The following HMCN2 variants were observed in gnomAD, a reference collection of about 807,000 sequenced individuals.
HMCN2 encodes the protein hemicentin 2.
HMCN2 carries 325 observed loss-of-function variants against 377.5 expected under a neutral mutation model. That is an observed-to-expected ratio of 0.86 (90% CI 0.79 to 0.94). The LOEUF is 0.94. Ranked by LOEUF, HMCN2 falls within the 40% of genes least tolerant of loss-of-function variation. HMCN2 has a pLI of 0.00. For missense variants in HMCN2, 4,543 were observed against 4,725.3 expected (o/e 0.96, Z 1.13); for synonymous variants, 2,007 against 2,046.8 (o/e 0.98, Z 0.53).
chr9:130,345,597 G>A (rs1212526499), intron 25 of HMCN2, among the ~76,000 whole-genome samples: 4 of 150,210 alleles, frequency 2.7e-5, no homozygotes, highest in East Asian at 2.0e-4. Flanking sequence ...ATGGTGTTTC[G>A]TGTGTGTAGT....
At chr9:130,377,925 C>T in intron 53 of HMCN2, 126 bp downstream of exon 53, 1 of 710,526 alleles carries the variant, frequency 1.4e-6, no homozygotes, top group Non-Finnish European at 1.7e-6. Flanking sequence ...CTCCCACTGG[C>T]TCATCTCAGC....
At position 130,359,314 on chromosome 9, in the gene HMCN2, C is replaced by A; in HGVS notation, c.5678-5C>A. ...CAAGCTGGGTCTCTCCTTGTCTCCC[C>A]CTAGTGCCCCCCAACATCGAGCCAG... is the stretch of plus-strand genomic sequence containing the variant. On this transcript the variant is annotated splice_polypyrimidine_tract_variant and splice_region_variant and intron_variant, in intron 36 of 97. Transcript: ENST00000683500. 3.1e-6 allele frequency: 4 copies of A among 1,300,772 alleles called. No individual in the cohort carries two copies. The highest frequency in any genetic ancestry group is 4.1e-6 in the Non-Finnish European group (4 of 986,010). The allele number at this position is 1,300,772 out of a possible 1,614,324, so 80.6% of individuals were successfully genotyped here. A position where few individuals can be genotyped will look rare whatever the true frequency, so the allele number is the denominator to read the frequency against.
In HMCN2 at chr9:130,361,578, A is replaced by G. The variant is rs1181025690; in HGVS notation, c.5951-430A>G. On this transcript the variant is annotated intron_variant, in intron 38 of 97. Coordinates refer to ENST00000683500, the MANE Select transcript of HMCN2 (RefSeq NM_001291815.2). This position sits in a 1 kb window ranked among gnomAD's most constrained non-coding sequence, Gnocchi z 4.8. ...GGGCATCATGGCTGGTGCCTCCCAGATACAATGGAATCTTCTGGCTATTTT... is the reference window on the plus strand; with the variant it reads ...GGGCATCATGGCTGGTGCCTCCCAGGTACAATGGAATCTTCTGGCTATTTT... Among the ~76,000 whole-genome samples, 2 of 152,200 alleles carry G rather than the reference A, an allele frequency of 1.3e-5. No individual in the cohort carries two copies. The highest frequency in any genetic ancestry group is 4.8e-5 in the African/African-American group (2 of 41,436).
intron 19 of HMCN2, among the ~76,000 whole-genome samples, chr9:130,323,635 G>A (rs1837967983): frequency 2.0e-5 from 3 of 152,040 alleles, no homozygotes; most frequent in Admixed American, 1.3e-4. Flanking sequence ...AAAAACTGAC[G>A]ATGGCAGGCA....
At chr9:130,297,615 C>T (rs1201807155) in intron 7 of HMCN2, among the ~76,000 whole-genome samples, 1 of 152,214 alleles carries the variant, frequency 6.6e-6, no homozygotes, top group Non-Finnish European at 1.5e-5. Flanking sequence ...GGACCCTGAA[C>T]AGTGACCAAA....
At position 130,383,303 on chromosome 9, in the gene HMCN2, G is replaced by A. The variant is rs148071724; in HGVS notation, c.8734-201G>A. Reference sequence around the variant, plus strand: ...CTTGTCACATCTGGTTTGCTACAGAGAACCACCCAACACCAACCTCACACG... The same window carrying A: ...CTTGTCACATCTGGTTTGCTACAGAAAACCACCCAACACCAACCTCACACG... On this transcript the variant is annotated intron_variant, in intron 56 of 97. Transcript: ENST00000683500. Among the ~76,000 whole-genome samples, 456 of 152,112 alleles carry A rather than the reference G, an allele frequency of 3.0e-3. 2 individuals are homozygous for A. Among genetic ancestry groups the A allele is most frequent in the African/African-American group, 0.011 (444 of 41,524 alleles).
At chr9:130,319,342 C>T (rs997579340) in intron 15 of HMCN2, among the ~76,000 whole-genome samples, 153 bp from the exon 16 acceptor site, 5 of 152,180 alleles carry the variant, frequency 3.3e-5, no homozygotes, top group Non-Finnish European at 7.4e-5. Context: ...GGATGCCACT[C>T]AGCACAGGTT....
intron 84 of HMCN2, 86 bp downstream of exon 84, chr9:130,409,019 C>T: frequency 1.1e-6 from 1 of 917,748 alleles, no homozygotes; most frequent in Admixed American, 2.7e-5. Context: ...CTTCCTATTG[C>T]CCCCTCTGCT....
chr9:130,419,213 T>A (rs935278502), intron 86 of HMCN2, 172 bp downstream of exon 86: 1 of 570,916 alleles, frequency 1.8e-6, no homozygotes, highest in Non-Finnish European at 2.7e-6. Flanking sequence ...TACAGTTGGG[T>A]AAACTGAATC....
At position 130,422,579 on chromosome 9, in the gene HMCN2, G is replaced by A; in HGVS notation, c.13234G>A (p.Glu4412Lys). 1.5e-6 allele frequency: 2 copies of A among 1,313,958 alleles called. No homozygotes were observed. Among genetic ancestry groups the A allele is most frequent in the Non-Finnish European group, 2.0e-6 (2 of 1,024,888 alleles). 81.4% of individuals were successfully genotyped at this position (1,313,958 alleles called of 1,614,324 possible). ...GTCATTCTTTCCCTTCCTTACAGGG[G>A]AGCCCCAGGGGAGCTGGGGCAGCAT... ...TARAFLVVRGEPQGSWGSMTG... is the reference protein window; with the variant it reads ...TARAFLVVRGKPQGSWGSMTG... Residue 4412 changes from glutamate (E) to lysine (K), a missense_variant and splice_region_variant, in exon 87 of 98, where the codon GAG becomes AAG. This residue lies in a region of HMCN2 where 1,155 missense variants were observed against 1,157.7 expected (regional missense o/e 1.00). Transcript: ENST00000683500. This position sits in a 1 kb window ranked among gnomAD's most constrained non-coding sequence, Gnocchi z 4.2.
chr9:130,309,342 T>C (rs1315710337), intron 14 of HMCN2, among the ~76,000 whole-genome samples: 1 of 151,750 alleles, frequency 6.6e-6, no homozygotes, highest in Non-Finnish European at 1.5e-5. Flanking sequence ...GGTGAAACCC[T>C]GTCTCCACCA....
chr9:130,393,604 TG>T lies in HMCN2; in HGVS notation c.10235-135del. ...ACACCAGGGGATGGAGAGGATGCTG[TG>T]GGAGCACAGAGGAGGGCACCTCACC... On this transcript the variant is annotated intron_variant, in intron 67 of 97. Transcript: ENST00000683500. The surrounding 1 kb of genome is among the most constrained non-coding windows in gnomAD (Gnocchi z 5.2). The T allele has an allele frequency of 1.4e-6, 1 of 698,648 alleles. No individual in the cohort carries two copies. The highest frequency in any genetic ancestry group is 2.0e-6 in the Non-Finnish European group (1 of 507,208). 43.3% of individuals were successfully genotyped at this position (698,648 alleles called of 1,614,324 possible).
At position 130,303,668 on chromosome 9, in the gene HMCN2, C is replaced by T. The variant is rs560828858; in HGVS notation, c.1543+60C>T. The T allele has an allele frequency of 3.3e-4, 70 of 210,044 alleles. No homozygotes were observed. Among genetic ancestry groups the T allele is most frequent in the African/African-American group, 1.6e-3 (66 of 41,946 alleles). The allele number at this position is 210,044 out of a possible 1,614,324, so 13.0% of individuals were successfully genotyped here. On this transcript the variant is annotated intron_variant, in intron 10 of 97. Coordinates refer to ENST00000683500, the MANE Select transcript of HMCN2 (RefSeq NM_001291815.2). The surrounding 1 kb of genome is among the most constrained non-coding windows in gnomAD (Gnocchi z 5.2). Reference sequence around the variant, plus strand: ...CTTACCCTCTTCTTGGGTTCTTACCCCTAGGATTTCCTCCAGGCGAGTCTC... The same window carrying T: ...CTTACCCTCTTCTTGGGTTCTTACCTCTAGGATTTCCTCCAGGCGAGTCTC...
intron 66 of HMCN2, among the ~76,000 whole-genome samples, 171 bp downstream of exon 66, chr9:130,392,289 C>T (rs1344208372): frequency 6.6e-6 from 1 of 152,136 alleles, no homozygotes; most frequent in East Asian, 1.9e-4. Flanking sequence ...TCTCAGGGAC[C>T]CAGGGAAGGG....
rs1352551762 is a variant in HMCN2, at chr9:130,382,280, A to G, written c.8528A>G (p.Tyr2843Cys). The G allele has an allele frequency of 2.0e-6, 2 of 985,672 alleles. No homozygotes were observed. Among genetic ancestry groups the G allele is most frequent in the Non-Finnish European group, 2.4e-6 (2 of 829,872 alleles). 61.1% of individuals were successfully genotyped at this position (985,672 alleles called of 1,614,324 possible). A position where few individuals can be genotyped will look rare whatever the true frequency, so the allele number is the denominator to read the frequency against. ...SNEVGEDWLH[Y>C]ELLVLTPPVI... ...GAGGTGGGCGAGGACTGGCTGCACT[A>G]CGAGCTGCTGGTGCTGAGTGAGTGG... is the stretch of plus-strand genomic sequence containing the variant. Residue 2843 changes from tyrosine to cysteine, a missense_variant, in exon 55 of 98, where the codon TAC becomes TGC. Physicochemically the swap from Tyr to Cys is radical, Grantham distance 194. Coordinates refer to ENST00000683500, the MANE Select transcript of HMCN2 (RefSeq NM_001291815.2).
chr9:130,423,905 C>T lies in HMCN2; in HGVS notation c.13382-871C>T, dbSNP rs1844162473. ...TGACAGTCTGTGGAGTCCCTGGCTC[C>T]GTGGTGACCCGGGGCCCTCAATCGG... On this transcript the variant is annotated intron_variant, in intron 87 of 97. Transcript: ENST00000683500. This position sits in a 1 kb window ranked among gnomAD's most constrained non-coding sequence, Gnocchi z 5.5. Among the ~76,000 whole-genome samples the T allele has an allele frequency of 1.3e-5, 2 of 152,142 alleles. No individual in the cohort carries two copies. Among genetic ancestry groups the T allele is most frequent in the Admixed American group, 1.3e-4 (2 of 15,274 alleles).
Position 130,375,799 on chromosome 9 carries a change from A to AG in HMCN2, c.7804+65dup, listed in dbSNP as rs1377146361. On this transcript the variant is annotated intron_variant, in intron 50 of 97. Transcript: ENST00000683500. ...TGACATGTCATCAGAATTGGAGGAG[A>AG]GGACCTGTGAGCCTGTCCTCATGCC... 3 of 982,878 alleles carry AG rather than the reference A, an allele frequency of 3.1e-6. No individual in the cohort carries two copies. The East Asian group carries it at 3.4e-4, about 112-fold the overall frequency. The allele number at this position is 982,878 out of a possible 1,614,324, so 60.9% of individuals were successfully genotyped here. A position where few individuals can be genotyped will look rare whatever the true frequency, so the allele number is the denominator to read the frequency against.
Position 130,422,468 on chromosome 9 carries a change from T to C in HMCN2, c.13232-109T>C. The C allele has an allele frequency of 1.2e-6, 1 of 808,868 alleles. No homozygotes were observed. Among genetic ancestry groups the C allele is most frequent in the Non-Finnish European group, 1.7e-6 (1 of 595,172 alleles). The allele number at this position is 808,868 out of a possible 1,614,324, so 50.1% of individuals were successfully genotyped here. On this transcript the variant is annotated intron_variant, in intron 86 of 97. Transcript: ENST00000683500. This position sits in a 1 kb window ranked among gnomAD's most constrained non-coding sequence, Gnocchi z 4.2. Reference sequence around the variant, plus strand: ...TGTCCTTGGACAAGTGGAGGTGAACTCTCCGAGCCTCCATTTACTCCTTCA... The same window carrying C: ...TGTCCTTGGACAAGTGGAGGTGAACCCTCCGAGCCTCCATTTACTCCTTCA...
In HMCN2 at chr9:130,348,087, C is replaced by A. The variant is rs1024659278; in HGVS notation, c.4025-458C>A. The A allele has an allele frequency of 7.2e-6, 7 of 974,270 alleles. No homozygotes were observed. The East Asian group carries it at 6.9e-4, about 96-fold the overall frequency. The allele number at this position is 974,270 out of a possible 1,614,324, so 60.4% of individuals were successfully genotyped here. A position where few individuals can be genotyped will look rare whatever the true frequency, so the allele number is the denominator to read the frequency against. ...CTCTGTCGGCAGGATGAACTGGCCC[C>A]GCTTGGGCAGTTCTACCAGCTCCTA... is the stretch of plus-strand genomic sequence containing the variant. On this transcript the variant is annotated intron_variant, in intron 26 of 97. Transcript: ENST00000683500.
Sources: gnomAD v4.1 joint callset for allele counts (sites outside exome capture counted in the v4.1 genomes callset) on GRCh38, gnomAD v4.1.1 for gene constraint, gnomAD v4.1.1 regional missense constraint, Gnocchi (gnomAD v3.1) non-coding constraint, MANE v1.5 for transcripts, NCBI Gene and HGNC (gene_info 2026-07-23, HGNC 2026-07-21) for gene names.